Variants in ZNF609 observed in about 807,000 individuals in gnomAD.
The protein encoded by ZNF609 is zinc finger protein 609.
Under a neutral mutation model 109.5 loss-of-function variants are expected in ZNF609, and 11 were observed. That is an observed-to-expected ratio of 0.10 (90% CI 0.06 to 0.17). The LOEUF (loss-of-function observed/expected upper bound fraction) is 0.17, where lower values mean the gene tolerates loss of function less well. Among genes scored for constraint, ZNF609 ranks in the 10% least tolerant of loss-of-function variants. The probability of loss-of-function intolerance (pLI) is 1.00; values close to 1 mark genes in which losing one functional copy is unlikely to be tolerated. For synonymous variants in ZNF609, 646 were observed against 662.0 expected (o/e 0.98, Z 0.37); for missense variants, 1,559 against 1,772.4 (o/e 0.88, Z 2.16).
chr15:64,543,269 T>C (rs112537561), intron 2 of ZNF609, among the ~76,000 whole-genome samples: 73 of 149,608 alleles, frequency 4.9e-4, no homozygotes, highest in Non-Finnish European at 8.3e-4. Context: ...TTTTTTTTTT[T>C]TTTTTCTAAT....
At chr15:64,670,680 A>G (rs1172769128) in intron 4 of ZNF609, among the ~76,000 whole-genome samples, 1 of 151,068 alleles carries the variant, frequency 6.6e-6, no homozygotes, top group East Asian at 2.0e-4. Context: ...GGAGTTCCAG[A>G]CTAGCCTGAC....
At chr15:64,593,265 C>T in intron 2 of ZNF609, 1 of 1,510,470 alleles carries the variant, frequency 6.6e-7, no homozygotes, top group Non-Finnish European at 9.1e-7. Context: ...AAGGACCGAA[C>T]ACCCCCACCC....
intron 2 of ZNF609, among the ~76,000 whole-genome samples, chr15:64,538,080 T>C (rs1318373339): frequency 6.6e-6 from 1 of 151,262 alleles, no homozygotes; most frequent in Non-Finnish European, 1.5e-5. Flanking sequence ...CACTCCAGCC[T>C]GGGCAACAGG....
chr15:64,604,806 A>AATTTATTTATTT (rs1208033736), intron 2 of ZNF609, among the ~76,000 whole-genome samples: 290 of 151,964 alleles, frequency 1.9e-3, no homozygotes, highest in African/African-American at 6.8e-3. Context: ...TATTTAATTT[A>AATTTATTTATTT]ATTTATTTAG....
chr15:64,659,708 C>A (rs1252184208), intron 3 of ZNF609, among the ~76,000 whole-genome samples: 1 of 152,130 alleles, frequency 6.6e-6, no homozygotes, highest in African/African-American at 2.4e-5. Context: ...AGAATAATGA[C>A]CCTGAGTCAT....
chr15:64,500,776 G>A (rs1365548963), intron 2 of ZNF609: 1 of 225,960 alleles, frequency 4.4e-6, no homozygotes, highest in Non-Finnish European at 8.7e-6. Context: ...TTGTGGTTAT[G>A]ACAGTTTGGC....
At chr15:64,530,320 C>T (rs2140371341) in intron 2 of ZNF609, among the ~76,000 whole-genome samples, 1 of 152,286 alleles carries the variant, frequency 6.6e-6, no homozygotes, top group Non-Finnish European at 1.5e-5. Context: ...TGAATCCTAG[C>T]TCCTAATAGC....
intron 2 of ZNF609, among the ~76,000 whole-genome samples, chr15:64,608,820 C>T (rs1234893400): frequency 6.6e-6 from 1 of 151,760 alleles, no homozygotes; most frequent in East Asian, 1.9e-4. Flanking sequence ...CTTACTGCAG[C>T]CTCAACCTCC....
At chr15:64,509,570 AT>A (rs1309871603) in intron 2 of ZNF609, among the ~76,000 whole-genome samples, 1 of 152,196 alleles carries the variant, frequency 6.6e-6, no homozygotes, top group Non-Finnish European at 1.5e-5. Context: ...GCTCCTACTG[AT>A]TTCCAAGAAG....
At chr15:64,576,822 CAAAAAAAAAA>C (rs57802165) in intron 2 of ZNF609, among the ~76,000 whole-genome samples, 2 of 79,910 alleles carry the variant, frequency 2.5e-5, no homozygotes, top group East Asian at 6.9e-4. Flanking sequence ...GACTCCATCT[CAAAAAAAAAA>C]AAAAAAAAAA....
At chr15:64,572,753 C>A (rs1180343023) in intron 2 of ZNF609, among the ~76,000 whole-genome samples, 2 of 152,060 alleles carry the variant, frequency 1.3e-5, no homozygotes, top group African/African-American at 4.8e-5. Flanking sequence ...ATTAGCCGGG[C>A]ATGGTGGCAC....
At chr15:64,640,450 A>G (rs946174888) in intron 3 of ZNF609, among the ~76,000 whole-genome samples, 3 of 152,100 alleles carry the variant, frequency 2.0e-5, no homozygotes, top group Non-Finnish European at 2.9e-5. Context: ...TCTGTTAACA[A>G]ACTCTGAAAC....
chr15:64,524,656 A>T (rs567519084), intron 2 of ZNF609, among the ~76,000 whole-genome samples: 1 of 151,614 alleles, frequency 6.6e-6, no homozygotes, highest in East Asian at 1.9e-4. Flanking sequence ...ATTCCTTTTT[A>T]TGGTTGAATA....
At chr15:64,539,769 A>T (rs1894217934) in intron 2 of ZNF609, among the ~76,000 whole-genome samples, 1 of 151,716 alleles carries the variant, frequency 6.6e-6, no homozygotes, top group African/African-American at 2.4e-5. Flanking sequence ...CTGGGATTAC[A>T]GGCCTGAGCC....
At chr15:64,552,424 T>C (rs1894498688) in intron 2 of ZNF609, among the ~76,000 whole-genome samples, 2 of 152,162 alleles carry the variant, frequency 1.3e-5, no homozygotes, top group South Asian at 4.1e-4. Context: ...CAGACTGGAG[T>C]GCAGTGACGC....
At chr15:64,642,743 C>T (rs992522788) in intron 3 of ZNF609, among the ~76,000 whole-genome samples, 2 of 152,106 alleles carry the variant, frequency 1.3e-5, no homozygotes, top group Non-Finnish European at 2.9e-5. Flanking sequence ...GCAGTGAGCC[C>T]TGACTGTGCC....
intron 2 of ZNF609, among the ~76,000 whole-genome samples, chr15:64,598,456 T>TA (rs1895434899): frequency 6.6e-6 from 1 of 152,090 alleles, no homozygotes; most frequent in South Asian, 2.1e-4. Context: ...TGTATATACT[T>TA]ATGTATAGAT....
In ZNF609 at chr15:64,671,071, G is replaced by C. The variant is rs374458395; in HGVS notation, c.1061+638G>C. Among the ~76,000 whole-genome samples, 9 of 151,088 alleles carry C rather than the reference G, an allele frequency of 6.0e-5. No individual in the cohort carries two copies. In the East Asian group the frequency reaches 1.4e-3, roughly 23 times the overall value. On this transcript the variant is annotated intron_variant, in intron 4 of 9. Transcript: ENST00000326648. The stretch of plus-strand genomic sequence containing the variant: ...AAAAATACAAAAAAATTAGCCGGGC[G>C]TGGTGGCGAGCGTTTGTAGTCCCAG...
At chr15:64,669,096 G>A (rs1342518152) in intron 3 of ZNF609, among the ~76,000 whole-genome samples, 1 of 151,986 alleles carries the variant, frequency 6.6e-6, no homozygotes, top group Non-Finnish European at 1.5e-5. Flanking sequence ...GTATTCATGG[G>A]CTACTATAAA....
Sources: gnomAD v4.1 joint callset for allele counts (sites outside exome capture counted in the v4.1 genomes callset) on GRCh38, gnomAD v4.1.1 for gene constraint, MANE v1.5 for transcripts, NCBI Gene and HGNC (gene_info 2026-07-23, HGNC 2026-07-21) for gene names.